The following TTC28 variants were observed in gnomAD, a reference collection of about 807,000 sequenced individuals.
TTC28 encodes the protein tetratricopeptide repeat protein 28.
In TTC28, 61 loss-of-function variants were observed where a neutral mutation model predicts 198.0. The observed-to-expected ratio is 0.31, with a 90% CI of 0.25 to 0.38. The LOEUF (loss-of-function observed/expected upper bound fraction) is 0.38, where lower values mean the gene tolerates loss of function less well. Ranked by LOEUF, TTC28 falls within the 10% of genes least tolerant of loss-of-function variation. TTC28 has a pLI of 1.00. For synonymous variants in TTC28, 1,171 were observed against 1,297.8 expected, an observed-to-expected ratio of 0.90 and a Z score of 2.10; for missense variants, 2,678 against 3,164.0, an observed-to-expected ratio of 0.85 and a Z score of 3.69.
At chr22:28,422,444 T>A (rs1275678282) in intron 2 of TTC28, among the ~76,000 whole-genome samples, 1 of 151,734 alleles carries the variant, frequency 6.6e-6, no homozygotes, top group Non-Finnish European at 1.5e-5. Flanking sequence ...TTAAATAATT[T>A]TTTTTTTTTT....
intron 2 of TTC28, among the ~76,000 whole-genome samples, chr22:28,442,151 T>C (rs568951302): frequency 2.0e-4 from 31 of 152,148 alleles, no homozygotes; most frequent in Admixed American, 8.5e-4. Context: ...AAAGGAGCCA[T>C]ATTAGGAAAT....
rs541560692 is a variant in TTC28 at position 28,086,974 on chromosome 22, A to C, written c.3932+7106T>G. On this transcript the variant is annotated intron_variant, in intron 12 of 22. Transcript: ENST00000397906. ...AGACTAAACCAGGAAGAAGTTGAAT[A>C]TCTAAATAGACCAATAACAGGCTCC... Among the ~76,000 whole-genome samples the C allele has an allele frequency of 1.4e-4, 21 of 152,242 alleles. No homozygotes were observed. In the South Asian group the frequency reaches 4.2e-3, roughly 30 times the overall value.
At position 28,331,961 on chromosome 22, in the gene TTC28, A is replaced by G. The variant is rs146245511; in HGVS notation, c.382-25318T>C. 6.6e-5 allele frequency among the ~76,000 whole-genome samples: 10 copies of G among 152,230 alleles called. No individual in the cohort carries two copies. The East Asian group carries it at 1.7e-3, about 26-fold the overall frequency. On this transcript the variant is annotated intron_variant, in intron 2 of 22. Transcript: ENST00000397906. ...ATGCAAATGAAACTTGGTTGCATCA[A>G]CTTTCTGAAACTACACTTCTAAAGC...
chr22:28,544,582 G>A (rs2049494454), intron 2 of TTC28, among the ~76,000 whole-genome samples: 2 of 152,128 alleles, frequency 1.3e-5, no homozygotes, highest in South Asian at 4.1e-4. Context: ...GCATTCCCAG[G>A]AGGTAAGACA....
chr22:28,367,176 C>A (rs1482107517), intron 2 of TTC28, among the ~76,000 whole-genome samples: 1 of 151,730 alleles, frequency 6.6e-6, no homozygotes, highest in Non-Finnish European at 1.5e-5. Context: ...CAGGGATAGA[C>A]CATATGTTAG....
chr22:28,255,736 C>A (rs1930864246), intron 5 of TTC28, among the ~76,000 whole-genome samples: 1 of 150,842 alleles, frequency 6.6e-6, no homozygotes, highest in South Asian at 2.1e-4. Context: ...AGTATGGCAA[C>A]TGGTGATGCT....
At chr22:28,025,459 C>G (rs1243476289) in intron 13 of TTC28, among the ~76,000 whole-genome samples, 1 of 152,222 alleles carries the variant, frequency 6.6e-6, no homozygotes, top group Admixed American at 6.5e-5. Context: ...TGCCTCACCA[C>G]AGACAAAGGC....
At chr22:28,121,353 C>T (rs1942782889) in intron 6 of TTC28, among the ~76,000 whole-genome samples, 1 of 152,220 alleles carries the variant, frequency 6.6e-6, no homozygotes, top group East Asian at 1.9e-4. Context: ...CCTAACTATT[C>T]TGCCAGACCT....
intron 6 of TTC28, among the ~76,000 whole-genome samples, chr22:28,119,109 G>A (rs1433447455): frequency 6.6e-6 from 1 of 152,140 alleles, no homozygotes; most frequent in African/African-American, 2.4e-5. Context: ...GTGGCACAGT[G>A]CTTTATGGTT....
intron 2 of TTC28, among the ~76,000 whole-genome samples, chr22:28,316,441 T>A (rs957784580): frequency 6.6e-6 from 1 of 152,174 alleles, no homozygotes; most frequent in Non-Finnish European, 1.5e-5. Context: ...TGCTTTTCCA[T>A]ATAAATCTTT....
intron 1 of TTC28, among the ~76,000 whole-genome samples, chr22:28,633,142 T>A (rs924690131): frequency 6.6e-6 from 1 of 151,582 alleles, no homozygotes; most frequent in African/African-American, 2.4e-5. Flanking sequence ...TAGCCAGGCA[T>A]GGTGGCGGGT....
At chr22:28,540,413 A>T (rs578115987) in intron 2 of TTC28, among the ~76,000 whole-genome samples, 13 of 152,224 alleles carry the variant, frequency 8.5e-5, no homozygotes, top group East Asian at 1.9e-4. Flanking sequence ...GGGGATTAAG[A>T]ATTTAAAATC....
intron 5 of TTC28, among the ~76,000 whole-genome samples, chr22:28,171,864 G>A (rs543431889): frequency 3.3e-5 from 5 of 152,068 alleles, no homozygotes; most frequent in Non-Finnish European, 7.4e-5. Flanking sequence ...GTTGTGTACT[G>A]GCCTCAGGTT....
intron 5 of TTC28, among the ~76,000 whole-genome samples, chr22:28,196,512 T>A (rs1045997691): frequency 1.3e-5 from 2 of 152,018 alleles, no homozygotes; most frequent in Admixed American, 6.6e-5. Flanking sequence ...CCCTACAGAA[T>A]GGGAGAAAAT....
chr22:28,116,123 C>T (rs1942621837), intron 6 of TTC28, among the ~76,000 whole-genome samples: 1 of 152,092 alleles, frequency 6.6e-6, no homozygotes, highest in African/African-American at 2.4e-5. Context: ...TAACTGGGAG[C>T]AGGGTCAGTT....
intron 14 of TTC28, among the ~76,000 whole-genome samples, chr22:28,004,682 C>T (rs889289422): frequency 2.6e-5 from 4 of 152,178 alleles, no homozygotes; most frequent in African/African-American, 9.7e-5. Flanking sequence ...ACGGGTAGAA[C>T]AGCAGGCTGA....
rs1479281779 is a variant in TTC28 at position 28,635,242 on chromosome 22, AC to A, written c.103-5413del. 3.3e-5 allele frequency among the ~76,000 whole-genome samples: 5 copies of A among 152,126 alleles called. No individual in the cohort carries two copies. In the East Asian group the frequency reaches 9.7e-4, roughly 30 times the overall value. ...AGGCTGAGGCAGGAGAATGGCATGA[AC>A]CCGGGAGGTGGAGGTTGCAGTGAGC... On this transcript the variant is annotated intron_variant, in intron 1 of 22. Coordinates refer to ENST00000397906, the MANE Select transcript of TTC28 (RefSeq NM_001145418.2).
chr22:27,997,355 G>GA (rs1937570528), intron 16 of TTC28: 1 of 152,200 alleles, frequency 6.6e-6, no homozygotes, highest in Non-Finnish European at 1.5e-5. Flanking sequence ...ATAGCTCTGT[G>GA]AAAAATACTA....
At chr22:28,411,318 G>A (rs1274141982) in intron 2 of TTC28, among the ~76,000 whole-genome samples, 1 of 152,166 alleles carries the variant, frequency 6.6e-6, no homozygotes, top group Non-Finnish European at 1.5e-5. Flanking sequence ...CAACTACAGA[G>A]TTGTTCAACT....
Sources: gnomAD v4.1 joint callset for allele counts (sites outside exome capture counted in the v4.1 genomes callset) on GRCh38, gnomAD v4.1.1 for gene constraint, MANE v1.5 for transcripts, NCBI Gene and HGNC (gene_info 2026-07-23, HGNC 2026-07-21) for gene names.